Variants in FANCA observed in about 807,000 individuals in gnomAD.
FANCA encodes the protein Fanconi anemia group A protein.
FANCA carries 236 observed loss-of-function variants against 194.3 expected under a neutral mutation model. The observed-to-expected ratio is 1.21, with a 90% confidence interval of 1.09 to 1.35. The LOEUF (loss-of-function observed/expected upper bound fraction) is 1.35, where lower values mean the gene tolerates loss of function less well. Ranked by LOEUF, FANCA falls within the 40% of genes most tolerant of loss-of-function variation. The probability of loss-of-function intolerance (pLI) is 0.00; values close to 1 mark genes in which losing one functional copy is unlikely to be tolerated. For missense variants in FANCA, 2,628 were observed against 1,813.9 expected (o/e 1.45, Z -8.15); for synonymous variants, 1,014 against 715.8 (o/e 1.42, Z -6.65).
chr16:89,762,660 GT>G, intron 28 of FANCA: 1 of 313,300 alleles, frequency 3.2e-6, no homozygotes, highest in Middle Eastern at 4.0e-4. Flanking sequence ...TTGGAAACAG[GT>G]TCTGTTGCCC....
At chr16:89,801,606 T>C (rs1252393922) in intron 8 of FANCA, among the ~76,000 whole-genome samples, 1 of 152,056 alleles carries the variant, frequency 6.6e-6, no homozygotes, top group African/African-American at 2.4e-5. Context: ...GGGTCTCACT[T>C]TCACCAGGCA....
intron 14 of FANCA, among the ~76,000 whole-genome samples, chr16:89,789,309 G>GC (rs34488586): frequency 0.4 from 60,638 of 150,926 alleles, 13,327 homozygotes; most frequent in East Asian, 0.76. Context: ...GAAGGCCTGG[G>GC]GGGGGAGCAG....
intron 38 of FANCA, 106 bp downstream of exon 38, chr16:89,740,698 G>T (rs1249516166): frequency 1.1e-6 from 1 of 870,560 alleles, no homozygotes; most frequent in Non-Finnish European, 1.9e-6. Context: ...CAAACACAAG[G>T]AGCTCCTGAG....
At chr16:89,756,915 A>C (rs2038786259) in intron 30 of FANCA, among the ~76,000 whole-genome samples, 1 of 152,176 alleles carries the variant, frequency 6.6e-6, no homozygotes, top group Admixed American at 6.5e-5. Context: ...AGGACTATTG[A>C]AGTCAACCCC....
At chr16:89,796,346 G>A (rs899964189) in intron 10 of FANCA, among the ~76,000 whole-genome samples, 1 of 152,170 alleles carries the variant, frequency 6.6e-6, no homozygotes, top group Non-Finnish European at 1.5e-5. Context: ...ACCCGGGAGT[G>A]GAGCCCCGGG....
chr16:89,792,027 C>G lies in FANCA; in HGVS notation c.1125G>C (p.Leu375Phe), dbSNP rs1259009102. ...MLSAEELVGH[L>F]QEVLETQEVH... Reference sequence around the variant, plus strand: ...CCTCCTGCGTTTCCAGAACTTCTTGCAAATGGCCAACCAACTCCTCTGCAC... The same window carrying G: ...CCTCCTGCGTTTCCAGAACTTCTTGGAAATGGCCAACCAACTCCTCTGCAC... The change falls in exon 13 of 43, where the codon TTG becomes TTC. Residue 375 changes from leucine (L) to phenylalanine (F), a missense_variant. Leu to Phe is a conservative substitution (Grantham distance 22, BLOSUM62 0). Transcript: ENST00000389301. The G allele has an allele frequency of 6.2e-7, 1 of 1,614,190 alleles. No homozygotes were observed. Among genetic ancestry groups the G allele is most frequent in the Non-Finnish European group, 8.5e-7 (1 of 1,180,024 alleles).
intron 15 of FANCA, among the ~76,000 whole-genome samples, chr16:89,783,696 G>A (rs2039800800): frequency 6.6e-6 from 1 of 152,188 alleles, no homozygotes; most frequent in African/African-American, 2.4e-5. Context: ...GCGGCAGCAG[G>A]AACCGGCCCC....
rs553549877 is a variant in FANCA, at chr16:89,788,298, C to T, written c.1359+3105G>A. On this transcript the variant is annotated intron_variant, in intron 14 of 42. Transcript: ENST00000389301. ...CAACATGGTGAGACCCCATCTCTAC[C>T]AAAATTACAAAAATTAGCCAGGTGT... is the stretch of plus-strand genomic sequence containing the variant. Among the ~76,000 whole-genome samples, 10 of 151,838 alleles carry T rather than the reference C, an allele frequency of 6.6e-5. No homozygotes were observed. In the South Asian group the frequency reaches 2.1e-3, roughly 32 times the overall value.
rs1004083728 is a variant in FANCA, at chr16:89,757,368, G to A, written c.2981+1209C>T. On this transcript the variant is annotated intron_variant, in intron 30 of 42. Transcript: ENST00000389301. ...TAACAAGAAGTCACCCACGATGGAG[G>A]TGCGTCAGCCTCCATACCTTCTGTG... Among the ~76,000 whole-genome samples, 6 of 152,262 alleles carry A rather than the reference G, an allele frequency of 3.9e-5. No homozygotes were observed. In the South Asian group the frequency reaches 6.2e-4, roughly 16 times the overall value.
At chr16:89,769,683 G>T (rs1469485928) in intron 26 of FANCA, 154 bp downstream of exon 26, 1 of 803,412 alleles carries the variant, frequency 1.2e-6, no homozygotes, top group Non-Finnish European at 2.1e-6. Context: ...ACAAATGACA[G>T]ATAAAATTCT....
chr16:89,773,916 C>A (rs562680600), intron 21 of FANCA, among the ~76,000 whole-genome samples: 8 of 151,882 alleles, frequency 5.3e-5, no homozygotes, highest in Non-Finnish European at 1.0e-4. Flanking sequence ...ACTACAGGCA[C>A]GCACCACCAC....
chr16:89,770,198 G>A lies in FANCA; in HGVS notation c.2284C>T (p.Leu762Phe), dbSNP rs1387374844. 1.3e-6 allele frequency: 2 copies of A among 1,594,008 alleles called. No homozygotes were observed. Among genetic ancestry groups the A allele is most frequent in the Non-Finnish European group, 1.7e-6 (2 of 1,170,930 alleles). Residue 762 changes from leucine to phenylalanine, a missense_variant, in exon 25 of 43, where the codon CTC becomes TTC. Transcript: ENST00000389301. ...CGGAGCAGCTGGCAGAGCCGGGTGA[G>A]CACTGCAGGGAGCACACGTCCACAC... ...TMCGRVLPAV[L>F]TRLCQLLRHQ...
Position 89,811,042 on chromosome 16 carries a change from G to T in FANCA, c.313C>A (p.Leu105Met). Reference protein sequence around the residue: ...GSALQDQASRLGVPVGILSAG... With the variant: ...GSALQDQASRMGVPVGILSAG... ...GAGAGAATACCCACGGGAACCCCCA[G>T]CCTTGAGGCTTGATCCTGCAAAGCA... The change falls in exon 4 of 43, where the codon CTG (leucine) becomes ATG (methionine). Residue 105 changes from leucine to methionine, a missense_variant. By Grantham distance (15) the Leu-to-Met change is conservative. Coordinates refer to ENST00000389301, the MANE Select transcript of FANCA (RefSeq NM_000135.4). The T allele has an allele frequency of 6.2e-7, 1 of 1,614,044 alleles. No homozygotes were observed. Among genetic ancestry groups the T allele is most frequent in the Non-Finnish European group, 8.5e-7 (1 of 1,180,040 alleles).
rs55773634 is a variant in FANCA, at chr16:89,744,994, C to G, written c.3591G>C (p.Leu1197=). The change falls in exon 36 of 43, where the codon CTG becomes CTC. Residue 1197 remains leucine, a synonymous_variant. Coordinates refer to ENST00000389301, the MANE Select transcript of FANCA (RefSeq NM_000135.4). The stretch of plus-strand genomic sequence containing the variant: ...ACTGCCGGCCTTCTTGTAGCTTCTG[C>G]AGTTCCCGGGGCAGCGGGCTCTGGC... ...RHCQSPLPRE[L]QKLQEGRQFA... 3 of 1,611,648 alleles carry G rather than the reference C, an allele frequency of 1.9e-6. No homozygotes were observed. The highest frequency in any genetic ancestry group is 2.5e-6 in the Non-Finnish European group (3 of 1,179,878).
intron 14 of FANCA, among the ~76,000 whole-genome samples, chr16:89,789,459 G>A (rs1305349099): frequency 4.4e-5 from 2 of 45,170 alleles, no homozygotes; most frequent in African/African-American, 1.6e-4. Flanking sequence ...TTTTTTTTTT[G>A]AGACAGAGTC....
At chr16:89,801,983 G>A (rs1308364014) in intron 8 of FANCA, among the ~76,000 whole-genome samples, 1 of 152,062 alleles carries the variant, frequency 6.6e-6, no homozygotes, top group Non-Finnish European at 1.5e-5. Flanking sequence ...AAATCAGCCA[G>A]CTGAAGAGAC....
chr16:89,767,306 T>C, intron 26 of FANCA, 69 bp from the exon 27 acceptor site: 3 of 1,140,666 alleles, frequency 2.6e-6, no homozygotes, highest in East Asian at 2.4e-5. Flanking sequence ...AAAGTTACTT[T>C]GAATTTCATA....
At chr16:89,799,540 C>T in intron 9 of FANCA, 65 bp downstream of exon 9, 2 of 1,439,704 alleles carry the variant, frequency 1.4e-6, no homozygotes, top group Non-Finnish European at 2.0e-6. Context: ...AGGCAGAAAA[C>T]TGATACAATT....
In FANCA at chr16:89,770,215, C is replaced by T. The variant is rs137913973; in HGVS notation, c.2267G>A (p.Arg756His). The T allele has an allele frequency of 1.4e-5, 23 of 1,593,314 alleles. 1 individual carries two copies. Among genetic ancestry groups the T allele is most frequent in the African/African-American group, 4.0e-5 (3 of 74,776 alleles). The stretch of plus-strand genomic sequence containing the variant: ...CCGGGTGAGCACTGCAGGGAGCACA[C>T]GTCCACACATGGTCCTCACGAAGAG... ...AALFVRTMCGRVLPAVLTRLC... is the reference protein window; with the variant it reads ...AALFVRTMCGHVLPAVLTRLC... Residue 756 changes from arginine to histidine, a missense_variant, in exon 25 of 43, where the codon CGT (arginine) becomes CAT (histidine). Coordinates refer to ENST00000389301, the MANE Select transcript of FANCA (RefSeq NM_000135.4).
Sources: gnomAD v4.1 joint callset for allele counts (sites outside exome capture counted in the v4.1 genomes callset) on GRCh38, gnomAD v4.1.1 for gene constraint, MANE v1.5 for transcripts, NCBI Gene and HGNC (gene_info 2026-07-23, HGNC 2026-07-21) for gene names.